Variants in WWOX observed in about 807,000 individuals in gnomAD.
WWOX encodes WW domain containing oxidoreductase.
WWOX carries 69 observed loss-of-function variants against 46.2 expected under a neutral mutation model. The ratio of observed to expected loss-of-function variants is 1.49; its 90% CI spans 1.23 to 1.82. The LOEUF is 1.82. Ranked by LOEUF, WWOX falls within the 40% of genes most tolerant of loss-of-function variation. The pLI is 0.00. For missense variants in WWOX, 919 were observed against 542.6 expected (o/e 1.69, Z -6.89); for synonymous variants, 359 against 202.6 (o/e 1.77, Z -6.56).
chr16:78,471,735 C>T (rs894156731), intron 8 of WWOX, among the ~76,000 whole-genome samples: 2 of 152,182 alleles, frequency 1.3e-5, no homozygotes, highest in Non-Finnish European at 2.9e-5. Flanking sequence ...CCCTGAACAT[C>T]ATTTGGCCTG....
intron 5 of WWOX, among the ~76,000 whole-genome samples, chr16:78,361,081 C>T (rs116127705): frequency 0.024 from 3,586 of 152,204 alleles, 145 homozygotes; most frequent in African/African-American, 0.082. Context: ...CCTCGGCTTC[C>T]CAAAGTGCTG....
chr16:78,910,225 G>C (rs989981572), intron 8 of WWOX, among the ~76,000 whole-genome samples: 2 of 152,026 alleles, frequency 1.3e-5, no homozygotes, highest in Admixed American at 6.6e-5. Context: ...TCACTTCAAG[G>C]GGGAGATTTA....
intron 8 of WWOX, among the ~76,000 whole-genome samples, chr16:78,450,452 A>C (rs915396231): frequency 3.3e-5 from 5 of 152,220 alleles, no homozygotes; most frequent in African/African-American, 1.2e-4. Flanking sequence ...AGAGTGTCCA[A>C]GTAATCTGAG....
At chr16:78,832,437 A>C (rs2051856376) in intron 8 of WWOX, among the ~76,000 whole-genome samples, 1 of 152,156 alleles carries the variant, frequency 6.6e-6, no homozygotes. Flanking sequence ...AATACTAGTA[A>C]AGACCATAGT....
intron 8 of WWOX, among the ~76,000 whole-genome samples, chr16:78,658,769 C>T (rs2047138915): frequency 6.6e-6 from 1 of 152,022 alleles, no homozygotes; most frequent in Non-Finnish European, 1.5e-5. Flanking sequence ...TAACAAGTTG[C>T]ATCTGTGAAG....
At chr16:79,024,257 CTTAT>C (rs945449762) in intron 8 of WWOX, among the ~76,000 whole-genome samples, 3 of 152,038 alleles carry the variant, frequency 2.0e-5, no homozygotes, top group Non-Finnish European at 2.9e-5. Flanking sequence ...TATTTTATGT[CTTAT>C]TTATTTATTC....
At chr16:78,412,824 A>G (rs1170921129) in intron 6 of WWOX, among the ~76,000 whole-genome samples, 1 of 152,226 alleles carries the variant, frequency 6.6e-6, no homozygotes, top group Non-Finnish European at 1.5e-5. Flanking sequence ...AGGAGACTGA[A>G]TGGAGATGAA....
chr16:78,217,689 A>T (rs774770557), intron 5 of WWOX, among the ~76,000 whole-genome samples: 10 of 152,070 alleles, frequency 6.6e-5, no homozygotes, highest in Non-Finnish European at 1.2e-4. Flanking sequence ...CATGCCTGAG[A>T]CGTTAAAGGC....
At chr16:78,393,767 T>G (rs564789377) in intron 6 of WWOX, among the ~76,000 whole-genome samples, 1 of 152,304 alleles carries the variant, frequency 6.6e-6, no homozygotes, top group African/African-American at 2.4e-5. Context: ...TTCTGAACTT[T>G]CTGTCACCGG....
chr16:78,214,862 A>AT (rs2036668015), intron 5 of WWOX, among the ~76,000 whole-genome samples: 2 of 151,906 alleles, frequency 1.3e-5, no homozygotes, highest in Admixed American at 6.6e-5. Context: ...TCGTTTAAAA[A>AT]TTTGGAGCTG....
intron 8 of WWOX, among the ~76,000 whole-genome samples, chr16:78,649,517 T>C (rs1322604478): frequency 6.6e-6 from 1 of 152,098 alleles, no homozygotes; most frequent in Non-Finnish European, 1.5e-5. Context: ...CCTCAAGCGA[T>C]CCTCCTGCCT....
chr16:78,843,481 G>C (rs1229474277), intron 8 of WWOX, among the ~76,000 whole-genome samples: 1 of 149,876 alleles, frequency 6.7e-6, no homozygotes, highest in Admixed American at 6.7e-5. Flanking sequence ...CCTAAGCTTT[G>C]GGCATTAGCA....
intron 8 of WWOX, among the ~76,000 whole-genome samples, chr16:78,730,805 C>T (rs1037484732): frequency 1.3e-5 from 2 of 151,968 alleles, no homozygotes; most frequent in African/African-American, 2.4e-5. Context: ...ACAGTTTTCT[C>T]TTGTGGCTTA....
chr16:78,947,680 C>A (rs921718157), intron 8 of WWOX, among the ~76,000 whole-genome samples: 2 of 152,192 alleles, frequency 1.3e-5, no homozygotes, highest in South Asian at 4.1e-4. Flanking sequence ...TTCAATAAAG[C>A]AATTGCTTTG....
chr16:78,494,624 G>T (rs1039872461), intron 8 of WWOX, among the ~76,000 whole-genome samples: 3 of 152,132 alleles, frequency 2.0e-5, no homozygotes, highest in Non-Finnish European at 4.4e-5. Flanking sequence ...CCCCACACAG[G>T]TACCTTGGAA....
intron 8 of WWOX, among the ~76,000 whole-genome samples, chr16:79,014,080 C>T (rs917542874): frequency 2.0e-5 from 3 of 152,212 alleles, no homozygotes; most frequent in Non-Finnish European, 4.4e-5. Flanking sequence ...GAGCAATCGT[C>T]TGCATTTCGT....
chr16:78,861,879 GT>G (rs1388652513), intron 8 of WWOX, among the ~76,000 whole-genome samples: 3 of 152,198 alleles, frequency 2.0e-5, no homozygotes, highest in African/African-American at 7.2e-5. Flanking sequence ...ATTCAAGGTT[GT>G]AATATCCAGT....
At chr16:78,718,938 T>C (rs1169860437) in intron 8 of WWOX, among the ~76,000 whole-genome samples, 2 of 151,906 alleles carry the variant, frequency 1.3e-5, no homozygotes, top group Non-Finnish European at 2.9e-5. Flanking sequence ...TCTGGGGCTC[T>C]CTTGAAATAA....
intron 8 of WWOX, among the ~76,000 whole-genome samples, chr16:79,143,191 C>T (rs775333000): frequency 6.6e-6 from 1 of 152,182 alleles, no homozygotes; most frequent in Non-Finnish European, 1.5e-5. Flanking sequence ...TTTATAGTTT[C>T]TCTCAAAGAA....
Sources: gnomAD v4.1 joint callset for allele counts (sites outside exome capture counted in the v4.1 genomes callset) on GRCh38, gnomAD v4.1.1 for gene constraint, MANE v1.5 for transcripts, NCBI Gene and HGNC (gene_info 2026-07-23, HGNC 2026-07-21) for gene names.